BTD: variants seen among roughly 807,000 people sequenced by gnomAD.
The protein encoded by BTD is biocytinase.
Under a neutral mutation model 17.7 loss-of-function variants are expected in BTD, and 13 were observed. The ratio of observed to expected loss-of-function variants is 0.74; its 90% CI spans 0.48 to 1.17. The LOEUF is 1.17. BTD is among the 50% of genes most tolerant of loss of function. The pLI, the probability that BTD is intolerant of heterozygous loss-of-function variation, is 0.00. For synonymous variants in BTD, 240 were observed against 245.2 expected (o/e 0.98, Z 0.20); for missense variants, 674 against 650.4 (o/e 1.04, Z -0.39).
rs1341245263 is a variant in BTD, at chr3:15,602,016, C to T, written c.-17+122C>T. 8.6e-6 allele frequency: 13 copies of T among 1,510,904 alleles called. No homozygotes were observed. The East Asian group carries it at 9.4e-5, about 11-fold the overall frequency. The allele number at this position is 1,510,904 out of a possible 1,614,324, so 93.6% of individuals were successfully genotyped here. ...GCAAAGGCTGCCGGGAGCTGGGAAG[C>T]CCGGCGCGCGTCGTTTGCTGGGGCT... On this transcript the variant is annotated intron_variant, in intron 1 of 3. Coordinates refer to ENST00000643237, the MANE Select transcript of BTD (RefSeq NM_001370658.1).
chr3:15,642,713 C>T (rs1374432913), intron 3 of BTD, among the ~76,000 whole-genome samples: 6 of 152,146 alleles, frequency 3.9e-5, no homozygotes, highest in South Asian at 4.1e-4. Context: ...CTGTCTACCT[C>T]GGCCTGCCAA....
At position 15,635,590 on chromosome 3, in the gene BTD, C is replaced by G; in HGVS notation, c.151C>G (p.Leu51Val). ...AVYEHPSILS[L>V]NPLALISRQE... is the part of the protein sequence containing the mutation. ...GTATGAGCATCCATCCATCCTGAGT[C>G]TGAACCCTCTGGCTCTCATCAGCCG... Residue 51 changes from leucine (L) to valine (V), a missense_variant, in exon 2 of 4, where the codon CTG becomes GTG. Transcript: ENST00000643237. The surrounding 1 kb of genome is among the most constrained non-coding windows in gnomAD (Gnocchi z 4.1). 2 of 1,614,206 alleles carry G rather than the reference C, an allele frequency of 1.2e-6. No homozygotes were observed. Among genetic ancestry groups the G allele is most frequent in the South Asian group, 1.1e-5 (1 of 91,084 alleles).
At chr3:15,623,903 G>C (rs1409840434) in intron 1 of BTD, among the ~76,000 whole-genome samples, 1 of 152,218 alleles carries the variant, frequency 6.6e-6, no homozygotes, top group Non-Finnish European at 1.5e-5. Flanking sequence ...GGAACTGTGA[G>C]TCAGTTAAAC....
chr3:15,691,278 C>G (rs995326152), intron 3 of BTD, among the ~76,000 whole-genome samples: 2 of 152,084 alleles, frequency 1.3e-5, no homozygotes, highest in African/African-American at 4.8e-5. Context: ...CGCATGCCAC[C>G]ATGCCCCAGC....
rs1042016024 is a variant in BTD, at chr3:15,648,835, GAC to G, written c.*3357_*3358del. On this transcript the variant is annotated 3_prime_UTR_variant, in exon 4 of 4. Coordinates refer to ENST00000643237, the MANE Select transcript of BTD (RefSeq NM_001370658.1). ...ACATGTCCTTATCAGAAGAGGAGAA[GAC>G]ACACACACAGGGAGAAGATGACCAT... Among the ~76,000 whole-genome samples the G allele has an allele frequency of 1.3e-5, 2 of 149,226 alleles. No individual in the cohort carries two copies. The highest frequency in any genetic ancestry group is 2.2e-4 in the South Asian group (1 of 4,562).
chr3:15,601,837 G>A lies in BTD; in HGVS notation c.-74G>A, dbSNP rs200884349. The A allele has an allele frequency of 2.5e-6, 4 of 1,614,224 alleles. No individual in the cohort carries two copies. The highest frequency in any genetic ancestry group is 2.7e-5 in the African/African-American group (2 of 75,062). ...GTCGGCCAGCTGGAGCGTTTTCGGG[G>A]CTGTAAAGGGAGAATGGCGCATGCG... is the stretch of plus-strand genomic sequence containing the variant. On this transcript the variant is annotated 5_prime_UTR_variant, in exon 1 of 4. Transcript: ENST00000643237.
At chr3:15,717,131 CTTTATTTA>C (rs759485583), downstream of BTD, among the ~76,000 whole-genome samples, 1 of 151,918 alleles carries the variant, frequency 6.6e-6, no homozygotes, top group African/African-American at 2.4e-5. Context: ...GTGATGAGTC[CTTTATTTA>C]TTTATTTATT....
At chr3:15,601,935 A>G in intron 1 of BTD, 41 bp downstream of exon 1, 1 of 1,611,572 alleles carries the variant, frequency 6.2e-7, no homozygotes, top group African/African-American at 1.3e-5. Flanking sequence ...GGGTGTGGTA[A>G]GGGCGTGCGG....
chr3:15,678,080 A>C, intron 3 of BTD: 1 of 931,770 alleles, frequency 1.1e-6, no homozygotes, highest in South Asian at 2.0e-5. Flanking sequence ...TGTGGATTGC[A>C]AACAGGTAAA....
At position 15,652,969 on chromosome 3, in the gene BTD, T is replaced by C. The variant is rs1018589053; in HGVS notation, c.*7481T>C. On this transcript the variant is annotated 3_prime_UTR_variant, in exon 4 of 4. Transcript: ENST00000643237. Reference sequence around the variant, plus strand: ...GAAGGGTCCATGCTGAACAAACTTGTTTGCTTTGAAATCGGAAGTTCTAGA... The same window carrying C: ...GAAGGGTCCATGCTGAACAAACTTGCTTGCTTTGAAATCGGAAGTTCTAGA... 1.3e-5 allele frequency among the ~76,000 whole-genome samples: 2 copies of C among 152,192 alleles called. No individual in the cohort carries two copies. Among genetic ancestry groups the C allele is most frequent in the Admixed American group, 1.3e-4 (2 of 15,278 alleles).
At chr3:15,638,634 A>G (rs757695170) in intron 2 of BTD, among the ~76,000 whole-genome samples, 8 of 152,252 alleles carry the variant, frequency 5.3e-5, no homozygotes, top group Admixed American at 1.3e-4. Flanking sequence ...GTTCCTGAGC[A>G]AACCAATTGA....
At chr3:15,663,106 T>G (rs1443533943) in intron 3 of BTD, among the ~76,000 whole-genome samples, 1 of 152,098 alleles carries the variant, frequency 6.6e-6, no homozygotes, top group Non-Finnish European at 1.5e-5. Context: ...CAAGTGATTC[T>G]CATGCCTCAG....
intron 1 of BTD, chr3:15,606,385 T>A (rs534020695): frequency 2.7e-4 from 41 of 152,304 alleles, no homozygotes; most frequent in African/African-American, 9.6e-4. Flanking sequence ...AGTTACTAAT[T>A]AAACATATGA....
intron 1 of BTD, among the ~76,000 whole-genome samples, chr3:15,610,975 A>T (rs1400271351): frequency 2.0e-5 from 3 of 150,758 alleles, no homozygotes; most frequent in Non-Finnish European, 4.4e-5. Context: ...AAAAAACAGG[A>T]CTCCAAAACT....
Position 15,670,235 on chromosome 3 carries a change from A to G in BTD, c.399+28178A>G, listed in dbSNP as rs369600841. 1.0e-4 allele frequency: 163 copies of G among 1,598,848 alleles called. 2 individuals carry two copies. The East Asian group carries it at 2.1e-3, about 21-fold the overall frequency. ...TTTTTCCTGAAAAAGCACAGTTTGAAGCTTTACTGTGAGAACTCCCTCCTC... is the reference window on the plus strand; with the variant it reads ...TTTTTCCTGAAAAAGCACAGTTTGAGGCTTTACTGTGAGAACTCCCTCCTC... On this transcript the variant is annotated intron_variant, in intron 3 of 3. Transcript: ENST00000672141.
chr3:15,695,284 T>G, intron 3 of BTD: 1 of 1,181,848 alleles, frequency 8.5e-7, no homozygotes, highest in Non-Finnish European at 1.2e-6. Context: ...TCAACTTATA[T>G]AGAGCTTTGC....
chr3:15,611,006 A>C (rs1485485563), intron 1 of BTD, among the ~76,000 whole-genome samples: 1 of 151,572 alleles, frequency 6.6e-6, no homozygotes. Flanking sequence ...TTTGAACTTT[A>C]GATGAACAAT....
chr3:15,676,921 CAT>C, intron 3 of BTD: 1 of 1,449,914 alleles, frequency 6.9e-7, no homozygotes, highest in Non-Finnish European at 9.6e-7. Context: ...ATCCATTTAT[CAT>C]TTTTATAATT....
intron 3 of BTD, among the ~76,000 whole-genome samples, chr3:15,680,086 C>T (rs778600813): frequency 1.3e-5 from 2 of 152,168 alleles, no homozygotes; most frequent in Non-Finnish European, 2.9e-5. Flanking sequence ...CAACAGCAAA[C>T]GAGAAATGAC....
Sources: gnomAD v4.1 joint callset for allele counts (sites outside exome capture counted in the v4.1 genomes callset) on GRCh38, gnomAD v4.1.1 for gene constraint, Gnocchi (gnomAD v3.1) non-coding constraint, MANE v1.5 for transcripts, NCBI Gene and HGNC (gene_info 2026-07-23, HGNC 2026-07-21) for gene names.